The following FIBCD1 variants were observed in gnomAD, a reference collection of about 807,000 sequenced individuals.
FIBCD1 encodes fibrinogen C domain containing 1.
A neutral mutation model predicts 45.1 loss-of-function variants in FIBCD1; 47 were observed. That is an observed-to-expected ratio of 1.04 (90% CI 0.82 to 1.33). The LOEUF (loss-of-function observed/expected upper bound fraction) is 1.33, where lower values mean the gene tolerates loss of function less well. Among genes scored for constraint, FIBCD1 ranks in the 40% most tolerant of loss-of-function variants. The pLI is 0.00. For missense variants in FIBCD1, 653 were observed against 682.2 expected (o/e 0.96, Z 0.48); for synonymous variants, 313 against 308.1 (o/e 1.02, Z -0.17).
chr9:130,924,548 T>A, intron 2 of FIBCD1, 152 bp from the exon 3 acceptor site: 1 of 735,110 alleles, frequency 1.4e-6, no homozygotes, highest in Non-Finnish European at 2.1e-6. Context: ...CTTGGGTCCC[T>A]GTCCAAGGTG....
intron 2 of FIBCD1, among the ~76,000 whole-genome samples, chr9:130,925,309 A>T (rs1832340554): frequency 6.6e-6 from 1 of 152,148 alleles, no homozygotes; most frequent in East Asian, 1.9e-4. Flanking sequence ...GGGGGCAGGG[A>T]CCAGGACTCA....
intron 5 of FIBCD1, among the ~76,000 whole-genome samples, chr9:130,909,267 C>T (rs1167881320): frequency 2.0e-5 from 3 of 151,678 alleles, no homozygotes; most frequent in African/African-American, 4.8e-5. Flanking sequence ...GCCCCCTCCG[C>T]CGCCCCTCGC....
At chr9:130,929,075 GTC>G (rs1035482957) in intron 2 of FIBCD1, among the ~76,000 whole-genome samples, 35 of 152,236 alleles carry the variant, frequency 2.3e-4, no homozygotes, top group Admixed American at 1.0e-3. Context: ...GCCTGGACTG[GTC>G]TCTCTGTCCC....
chr9:130,937,937 T>A (rs1832545322), intron 1 of FIBCD1: 1 of 152,408 alleles, frequency 6.6e-6, no homozygotes, highest in Admixed American at 6.5e-5. Flanking sequence ...CAGAGCTGCG[T>A]GGCCTCAGGC....
chr9:130,904,096 T>A lies in FIBCD1; in HGVS notation c.1354A>T (p.Met452Leu), dbSNP rs1184837019. Residue 452 changes from methionine to leucine, a missense_variant, in exon 7 of 7, where the codon ATG becomes TTG. Transcript: ENST00000372338. ...GWQYSLKFSE[M>L]KIRPVREDR ...TCCTCCCGGACCGGCCGGATCTTCA[T>A]CTCAGAGAACTTGAGTGAGTACTGC... is the stretch of plus-strand genomic sequence containing the variant. 1 of 1,613,088 alleles carries A rather than the reference T, an allele frequency of 6.2e-7. No homozygotes were observed. The highest frequency in any genetic ancestry group is 1.7e-5 in the Admixed American group (1 of 60,024).
At position 130,903,712 on chromosome 9, in the gene FIBCD1, C is replaced by T. The variant is rs1831873843; in HGVS notation, c.*352G>A. On this transcript the variant is annotated 3_prime_UTR_variant, in exon 7 of 7. Coordinates refer to ENST00000372338, the MANE Select transcript of FIBCD1 (RefSeq NM_032843.5). ...TGTCCCCATAATGCCGGGTATTTGG[C>T]CGGGCAGGGCAGAGGGTGCCTGGGG... The T allele has an allele frequency of 9.6e-6, 4 of 418,198 alleles. No homozygotes were observed. The highest frequency in any genetic ancestry group is 9.0e-6 in the Non-Finnish European group (2 of 221,014). 25.9% of individuals were successfully genotyped at this position (418,198 alleles called of 1,614,324 possible).
chr9:130,920,534 G>A (rs910955504), intron 4 of FIBCD1, among the ~76,000 whole-genome samples: 6 of 152,284 alleles, frequency 3.9e-5, no homozygotes, highest in Middle Eastern at 3.4e-3. Flanking sequence ...AGAGAGTGCC[G>A]AGGGTGTGCA....
Position 130,929,696 on chromosome 9 carries a change from G to C in FIBCD1, c.423C>G (p.Ala141=). The change falls in exon 2 of 7, where the codon GCC becomes GCG. Residue 141 remains alanine, a synonymous_variant. Coordinates refer to ENST00000372338, the MANE Select transcript of FIBCD1 (RefSeq NM_032843.5). ...GGGCCAGCAGCCGGGGCAGCTGGTCGGCCAGCGTGTCCAGCAGCTCCTGCT... is the reference window on the plus strand; with the variant it reads ...GGGCCAGCAGCCGGGGCAGCTGGTCCGCCAGCGTGTCCAGCAGCTCCTGCT... The part of the protein sequence containing the change: ...DQEQELLDTL[A]DQLPRLLARA... The C allele has an allele frequency of 6.2e-7, 1 of 1,603,232 alleles. No individual in the cohort carries two copies. The highest frequency in any genetic ancestry group is 8.5e-7 in the Non-Finnish European group (1 of 1,175,720).
intron 4 of FIBCD1, among the ~76,000 whole-genome samples, chr9:130,917,331 C>T (rs1588107971): frequency 6.6e-6 from 1 of 152,186 alleles, no homozygotes; most frequent in Admixed American, 6.5e-5. Flanking sequence ...CTCAGAAGCC[C>T]GCCGCCCGGC....
chr9:130,915,296 A>T (rs1186819386), intron 4 of FIBCD1, among the ~76,000 whole-genome samples: 1 of 152,170 alleles, frequency 6.6e-6, no homozygotes. Context: ...GTGCCGATCA[A>T]TTGGGGTGAG....
Position 130,938,580 on chromosome 9 carries a change from C to T in FIBCD1, c.28G>A (p.Gly10Ser). ...CGGTCCTCAAGTTGGGCAGCGCCGCCCATGGTCTTCCACCGGTCGTTGACC... is the reference window on the plus strand; with the variant it reads ...CGGTCCTCAAGTTGGGCAGCGCCGCTCATGGTCTTCCACCGGTCGTTGACC... The part of the protein sequence containing the change: MVNDRWKTM[G>S]GAAQLEDRPR... The change falls in exon 1 of 7, where the codon GGC becomes AGC. Residue 10 changes from glycine (G) to serine (S), a missense_variant. Coordinates refer to ENST00000372338, the MANE Select transcript of FIBCD1 (RefSeq NM_032843.5). The T allele has an allele frequency of 6.7e-7, 1 of 1,487,684 alleles. No individual in the cohort carries two copies. The highest frequency in any genetic ancestry group is 8.9e-7 in the Non-Finnish European group (1 of 1,123,828). The allele number at this position is 1,487,684 out of a possible 1,614,324, so 92.2% of individuals were successfully genotyped here.
Position 130,904,193 on chromosome 9 carries a change from G to A in FIBCD1, c.1257C>T (p.Leu419=). The A allele has an allele frequency of 1.2e-6, 2 of 1,613,790 alleles. No homozygotes were observed. The highest frequency in any genetic ancestry group is 1.3e-5 in the African/African-American group (1 of 75,058). The change falls in exon 7 of 7, where the codon CTC becomes CTT. Residue 419 remains leucine (L), a synonymous_variant. Coordinates refer to ENST00000372338, the MANE Select transcript of FIBCD1 (RefSeq NM_032843.5). ...WWYRNCHTSN[L]NGQYLRGAHA... ...GCGCACCGCGCAGGTACTGCCCATT[G>A]AGGTTGGACGTGTGGCAGTTGCGGT...
At chr9:130,917,182 T>C (rs183120214) in intron 4 of FIBCD1, among the ~76,000 whole-genome samples, 1 of 152,208 alleles carries the variant, frequency 6.6e-6, no homozygotes, top group African/African-American at 2.4e-5. Context: ...AAAATATGAA[T>C]TGGTCCAGCT....
intron 4 of FIBCD1, among the ~76,000 whole-genome samples, chr9:130,918,833 C>T (rs1422817930): frequency 6.6e-6 from 1 of 152,228 alleles, no homozygotes; most frequent in Non-Finnish European, 1.5e-5. Flanking sequence ...GGACAGGTTG[C>T]AGAACCTTTC....
chr9:130,911,505 A>C (rs868512257), intron 5 of FIBCD1, among the ~76,000 whole-genome samples: 6 of 152,248 alleles, frequency 3.9e-5, no homozygotes, highest in Admixed American at 6.5e-5. Flanking sequence ...GACAGCCAGC[A>C]GGTCCCAGGG....
intron 1 of FIBCD1, among the ~76,000 whole-genome samples, chr9:130,935,029 A>C (rs1408785893): frequency 1.3e-5 from 2 of 152,152 alleles, no homozygotes; most frequent in Non-Finnish European, 2.9e-5. Context: ...TGAGACTCTA[A>C]GCTCCCTGAG....
At chr9:130,906,023 C>G (rs369635013) in intron 5 of FIBCD1, among the ~76,000 whole-genome samples, 18 of 152,268 alleles carry the variant, frequency 1.2e-4, no homozygotes, top group Admixed American at 3.9e-4. Flanking sequence ...TCCGACCTAG[C>G]CACTGCTGAC....
chr9:130,936,973 G>A (rs1832528370), intron 1 of FIBCD1, among the ~76,000 whole-genome samples: 3 of 4,318 alleles, frequency 6.9e-4, no homozygotes, highest in South Asian at 6.1e-3. Context: ...GAGTGAAGGG[G>A]TGTGTGTGTG....
chr9:130,923,815 C>T lies in FIBCD1; in HGVS notation c.778G>A (p.Val260Ile), dbSNP rs756744749. 4 of 1,612,830 alleles carry T rather than the reference C, an allele frequency of 2.5e-6. No homozygotes were observed. ...CCGGCCGGGTAGTGGGTGGGAAAGA[C>T]AGAGTAGACGCCATCGTCCTGCTGT... ...SGQQDDGVYSVFPTHYPAGFQ... is the reference protein window; with the variant it reads ...SGQQDDGVYSIFPTHYPAGFQ... Residue 260 changes from valine to isoleucine, a missense_variant, in exon 4 of 7, where the codon GTC becomes ATC. Val to Ile is a conservative substitution (Grantham distance 29). Transcript: ENST00000372338.
Sources: gnomAD v4.1 joint callset for allele counts (sites outside exome capture counted in the v4.1 genomes callset) on GRCh38, gnomAD v4.1.1 for gene constraint, MANE v1.5 for transcripts, NCBI Gene and HGNC (gene_info 2026-07-23, HGNC 2026-07-21) for gene names.